NAALADL2: variants seen among roughly 807,000 people sequenced by gnomAD.
The protein encoded by NAALADL2 is inactive N-acetylated-alpha-linked acidic dipeptidase-like protein 2.
Under a neutral mutation model 87.2 loss-of-function variants are expected in NAALADL2, and 76 were observed. That is an observed-to-expected ratio of 0.87 (90% CI 0.72 to 1.05). The LOEUF is 1.05. Ranked by LOEUF, NAALADL2 falls within the 50% of genes least tolerant of loss-of-function variation. The probability of loss-of-function intolerance (pLI) is 0.00; values close to 1 mark genes in which losing one functional copy is unlikely to be tolerated. For missense variants in NAALADL2, 1,089 were observed against 945.8 expected, an observed-to-expected ratio of 1.15 and a Z score of -1.99; for synonymous variants, 354 against 331.0, an observed-to-expected ratio of 1.07 and a Z score of -0.75.
chr3:175,503,262 T>C (rs1729811147), intron 9 of NAALADL2, among the ~76,000 whole-genome samples: 1 of 152,188 alleles, frequency 6.6e-6, no homozygotes, highest in East Asian at 1.9e-4. Flanking sequence ...CATGATCTCA[T>C]TCTTTTTTAT....
chr3:174,449,812 T>G (rs75339973), intron 1 of NAALADL2, among the ~76,000 whole-genome samples: 12,159 of 152,228 alleles, frequency 0.08, 619 homozygotes, highest in Middle Eastern at 0.12. Context: ...TCCTTCTCTA[T>G]TCTTTTTAGG....
chr3:174,793,997 A>C (rs1254427147), intron 3 of NAALADL2, among the ~76,000 whole-genome samples: 1 of 152,106 alleles, frequency 6.6e-6, no homozygotes, highest in Non-Finnish European at 1.5e-5. Flanking sequence ...AAAGCTTGGA[A>C]AGATCCAATA....
At chr3:175,186,706 G>C (rs1166537533) in intron 2 of NAALADL2, among the ~76,000 whole-genome samples, 1 of 152,052 alleles carries the variant, frequency 6.6e-6, no homozygotes, top group Non-Finnish European at 1.5e-5. Context: ...GTCACACTGT[G>C]GTGGTCATGT....
chr3:174,988,180 A>G (rs9819012), intron 1 of NAALADL2, among the ~76,000 whole-genome samples: 2,422 of 152,210 alleles, frequency 0.016, 36 homozygotes, highest in African/African-American at 0.041. Flanking sequence ...TCTGAGCTAG[A>G]AGGAGCCACA....
At chr3:175,641,813 TA>T (rs1293764476) in intron 11 of NAALADL2, among the ~76,000 whole-genome samples, 1 of 152,150 alleles carries the variant, frequency 6.6e-6, no homozygotes, top group African/African-American at 2.4e-5. Flanking sequence ...AGGAAGAAAA[TA>T]AATATTGTTC....
chr3:174,834,098 C>A (rs994615296), intron 3 of NAALADL2, among the ~76,000 whole-genome samples: 1 of 146,912 alleles, frequency 6.8e-6, no homozygotes, highest in Non-Finnish European at 1.5e-5. Context: ...TGAAAAGAAG[C>A]AAACTGTGAC....
chr3:174,743,160 G>A (rs1436087049), intron 3 of NAALADL2, among the ~76,000 whole-genome samples: 2 of 151,650 alleles, frequency 1.3e-5, no homozygotes, highest in African/African-American at 2.4e-5. Context: ...AAGAAGTGGC[G>A]TATGTTTAGA....
At chr3:175,171,745 C>T (rs898531238) in intron 2 of NAALADL2, among the ~76,000 whole-genome samples, 14 of 151,930 alleles carry the variant, frequency 9.2e-5, no homozygotes, top group East Asian at 3.9e-4. Flanking sequence ...AATATGAAAT[C>T]GTGTCATTTA....
intron 2 of NAALADL2, among the ~76,000 whole-genome samples, chr3:174,615,144 G>C (rs866610194): frequency 7.2e-5 from 11 of 152,180 alleles, no homozygotes; most frequent in African/African-American, 2.7e-4. Flanking sequence ...TGATGAATTA[G>C]AAAGTGGACT....
chr3:175,071,125 G>A (rs953064391), intron 1 of NAALADL2, among the ~76,000 whole-genome samples: 4 of 151,868 alleles, frequency 2.6e-5, no homozygotes, highest in African/African-American at 9.7e-5. Context: ...TGCACTGCAG[G>A]GGCAAGCACA....
At chr3:174,647,652 T>C (rs1479143221) in intron 2 of NAALADL2, among the ~76,000 whole-genome samples, 1 of 152,242 alleles carries the variant, frequency 6.6e-6, no homozygotes, top group South Asian at 2.1e-4. Context: ...GGAACCTGAC[T>C]ATTCACAGAG....
At chr3:174,764,477 G>T (rs1178058922) in intron 3 of NAALADL2, among the ~76,000 whole-genome samples, 1 of 152,164 alleles carries the variant, frequency 6.6e-6, no homozygotes, top group East Asian at 1.9e-4. Context: ...AGGTGTGGTG[G>T]TGTGCACCTG....
intron 2 of NAALADL2, among the ~76,000 whole-genome samples, chr3:175,115,485 T>G (rs1442425607): frequency 9.1e-6 from 1 of 110,050 alleles, no homozygotes; most frequent in East Asian, 2.7e-4. Flanking sequence ...TCTGAGTATT[T>G]GCAAATAGCA....
At chr3:175,697,807 A>G (rs1249459428) in intron 11 of NAALADL2, among the ~76,000 whole-genome samples, 6 of 141,112 alleles carry the variant, frequency 4.3e-5, no homozygotes, top group East Asian at 2.0e-4. Context: ...ATGTATATAT[A>G]TTTATGTATG....
At chr3:175,123,960 T>A (rs9290533) in intron 2 of NAALADL2, among the ~76,000 whole-genome samples, 91,218 of 151,188 alleles carry the variant, frequency 0.6, 27,991 homozygotes, top group African/African-American at 0.73. Context: ...TGCAAAGGGA[T>A]AGTTTTTTTC....
At chr3:174,551,082 G>T (rs191552364) in intron 2 of NAALADL2, 13 of 152,038 alleles carry the variant, frequency 8.6e-5, no homozygotes, top group African/African-American at 3.1e-4. Flanking sequence ...CCATGCTGGT[G>T]TGCTGCACCC....
At chr3:175,197,764 A>AGGT (rs1414660879) in intron 2 of NAALADL2, among the ~76,000 whole-genome samples, 4 of 152,036 alleles carry the variant, frequency 2.6e-5, no homozygotes, top group African/African-American at 7.2e-5. Context: ...GAATTCAGGG[A>AGGT]GTTTACATGG....
intron 2 of NAALADL2, among the ~76,000 whole-genome samples, chr3:174,668,872 C>T (rs866952354): frequency 6.6e-6 from 1 of 152,102 alleles, no homozygotes; most frequent in African/African-American, 2.4e-5. Flanking sequence ...AATAGTGCCG[C>T]AATAAACATG....
chr3:174,495,748 G>A (rs1350600184), intron 1 of NAALADL2, among the ~76,000 whole-genome samples: 2 of 96,574 alleles, frequency 2.1e-5, no homozygotes. Context: ...ACTTCTTGGT[G>A]TGATAGCAAA....
Sources: allele counts gnomAD v4.1 joint callset (sites outside exome capture counted in the v4.1 genomes callset), GRCh38; gene constraint gnomAD v4.1.1; transcripts MANE v1.5; gene names NCBI Gene and HGNC (gene_info 2026-07-23, HGNC 2026-07-21).